ARL15: variants seen among roughly 807,000 people sequenced by gnomAD.
ARL15 encodes the protein ADP-ribosylation factor-like protein 15.
In ARL15, 19 loss-of-function variants were observed where a neutral mutation model predicts 25.2. That is an observed-to-expected ratio of 0.75 (90% CI 0.53 to 1.10). The LOEUF (loss-of-function observed/expected upper bound fraction) is 1.10. Among genes scored for constraint, ARL15 ranks in the 50% least tolerant of loss-of-function variants. ARL15 has a pLI of 0.00. For synonymous variants in ARL15, 94 were observed against 86.8 expected, an observed-to-expected ratio of 1.08 and a Z score of -0.46; for missense variants, 220 against 246.0, an observed-to-expected ratio of 0.89 and a Z score of 0.71.
chr5:54,029,489 T>C (rs1475602723), intron 4 of ARL15, among the ~76,000 whole-genome samples: 4 of 152,052 alleles, frequency 2.6e-5, no homozygotes, highest in Admixed American at 2.6e-4. Flanking sequence ...GGTAGACATA[T>C]TAAGCATATG....
At chr5:54,240,050 A>G (rs1277799334) in intron 1 of ARL15, among the ~76,000 whole-genome samples, 3 of 151,952 alleles carry the variant, frequency 2.0e-5, no homozygotes, top group African/African-American at 7.2e-5. Flanking sequence ...ACACGGTGAA[A>G]CCCCATCTCT....
At chr5:53,979,985 G>A (rs971808520) in intron 4 of ARL15, among the ~76,000 whole-genome samples, 3 of 152,060 alleles carry the variant, frequency 2.0e-5, no homozygotes, top group Non-Finnish European at 4.4e-5. Flanking sequence ...GATTACAGGC[G>A]TGAGCCACTG....
rs1030384415 is a variant in ARL15 at position 54,276,046 on chromosome 5, A to T, written c.48+34386T>A. 3.9e-5 allele frequency among the ~76,000 whole-genome samples: 6 copies of T among 152,142 alleles called. No individual in the cohort carries two copies. The East Asian group carries it at 5.8e-4, about 15-fold the overall frequency. On this transcript the variant is annotated intron_variant, in intron 1 of 4. Coordinates refer to ENST00000504924, the MANE Select transcript of ARL15 (RefSeq NM_019087.3). ...GCTGAGACTACTGGCACACACCATC[A>T]TGCCTGGCCAGCTTGGATTTTTATA...
chr5:54,294,057 C>T (rs928953832), intron 1 of ARL15, among the ~76,000 whole-genome samples: 8 of 152,148 alleles, frequency 5.3e-5, no homozygotes, highest in South Asian at 2.1e-4. Context: ...TCATGTGATC[C>T]GCCTGCCTCG....
At chr5:53,959,945 G>A (rs560503009) in intron 4 of ARL15, among the ~76,000 whole-genome samples, 1 of 151,898 alleles carries the variant, frequency 6.6e-6, no homozygotes, top group Non-Finnish European at 1.5e-5. Context: ...CCTGATCACT[G>A]CTGCATCTGT....
At chr5:54,193,300 G>A (rs917638911) in intron 1 of ARL15, among the ~76,000 whole-genome samples, 16 of 152,202 alleles carry the variant, frequency 1.1e-4, no homozygotes, top group African/African-American at 3.9e-4. Flanking sequence ...ATTGATACAA[G>A]TCTCTTACTT....
chr5:54,049,685 C>T (rs975406431), intron 4 of ARL15, among the ~76,000 whole-genome samples: 3 of 152,022 alleles, frequency 2.0e-5, no homozygotes, highest in Non-Finnish European at 2.9e-5. Flanking sequence ...ACTACAACCT[C>T]TGCCTCCCAG....
intron 1 of ARL15, among the ~76,000 whole-genome samples, chr5:54,212,065 T>C (rs1409966514): frequency 6.6e-6 from 1 of 151,814 alleles, no homozygotes; most frequent in Non-Finnish European, 1.5e-5. Flanking sequence ...GGCCAGAGAG[T>C]AAATATTTAA....
intron 1 of ARL15, among the ~76,000 whole-genome samples, chr5:54,228,636 C>A (rs1244747252): frequency 2.0e-5 from 3 of 152,124 alleles, no homozygotes; most frequent in Non-Finnish European, 4.4e-5. Context: ...TAGTTCTAAC[C>A]TCTTCCACAA....
intron 1 of ARL15, among the ~76,000 whole-genome samples, chr5:54,272,300 A>C (rs1757810010): frequency 2.6e-5 from 4 of 151,802 alleles, no homozygotes; most frequent in African/African-American, 9.7e-5. Flanking sequence ...ATATGAGTAA[A>C]CCACATCCTT....
intron 4 of ARL15, among the ~76,000 whole-genome samples, chr5:54,085,712 T>C (rs1253562441): frequency 6.6e-6 from 1 of 152,206 alleles, no homozygotes; most frequent in Non-Finnish European, 1.5e-5. Flanking sequence ...TACTCTTAGA[T>C]ACAGAATAAA....
At chr5:53,895,844 A>G (rs1744854200) in intron 4 of ARL15, among the ~76,000 whole-genome samples, 1 of 152,164 alleles carries the variant, frequency 6.6e-6, no homozygotes, top group African/African-American at 2.4e-5. Context: ...CTGTTTAACA[A>G]TCAAAACATC....
intron 4 of ARL15, among the ~76,000 whole-genome samples, chr5:53,954,961 T>C (rs1747096587): frequency 6.6e-6 from 1 of 151,976 alleles, no homozygotes; most frequent in African/African-American, 2.4e-5. Flanking sequence ...GCCTAAGAAA[T>C]AGTTCTTTGG....
chr5:54,227,325 C>T (rs1756552135), intron 1 of ARL15, among the ~76,000 whole-genome samples: 1 of 152,208 alleles, frequency 6.6e-6, no homozygotes, highest in Non-Finnish European at 1.5e-5. Context: ...GCACATCCTC[C>T]TGCAGCAAGC....
Position 54,171,835 on chromosome 5 carries a change from G to A in ARL15, c.142C>T (p.Leu48=). 2 of 1,613,526 alleles carry A rather than the reference G, an allele frequency of 1.2e-6. No homozygotes were observed. Among genetic ancestry groups the A allele is most frequent in the East Asian group, 4.5e-5 (2 of 44,838 alleles). ...CTTTCACTGCAGAGTTTGGACAACA[G>A]ACTGGTTTTGCCAGAACCTGTGAGG... ...IGLTGSGKTS[L]LSKLCSESPD... is the part of the protein sequence containing the mutation. The change falls in exon 2 of 5, where the codon CTG becomes TTG. Residue 48 remains leucine (L), a synonymous_variant. Transcript: ENST00000504924.
intron 4 of ARL15, among the ~76,000 whole-genome samples, chr5:53,919,209 G>C (rs750590047): frequency 2.0e-5 from 3 of 152,162 alleles, no homozygotes; most frequent in African/African-American, 7.2e-5. Flanking sequence ...ATACTACATC[G>C]TAAGTCTACG....
chr5:54,090,532 G>A (rs1449127282), intron 4 of ARL15, among the ~76,000 whole-genome samples: 1 of 151,808 alleles, frequency 6.6e-6, no homozygotes, highest in African/African-American at 2.4e-5. Flanking sequence ...TACAGCACAG[G>A]GAGTTTTCTA....
chr5:53,920,375 C>A lies in ARL15; in HGVS notation c.463-33662G>T, dbSNP rs987583755. Among the ~76,000 whole-genome samples the A allele has an allele frequency of 2.6e-5, 4 of 152,160 alleles. No individual in the cohort carries two copies. In the East Asian group the frequency reaches 7.7e-4, roughly 29 times the overall value. On this transcript the variant is annotated intron_variant, in intron 4 of 4. Transcript: ENST00000504924. ...TGCCTTTCATAATATATGTTCTTGT[C>A]ATTTTGTTAAAAAATGGCTCTTCAA...
chr5:54,047,865 T>C (rs566705342), intron 4 of ARL15: 2 of 152,226 alleles, frequency 1.3e-5, no homozygotes, highest in Non-Finnish European at 2.9e-5. Context: ...TATATGAGCA[T>C]TGCGTGTCAT....
Sources: allele counts gnomAD v4.1 joint callset (sites outside exome capture counted in the v4.1 genomes callset), GRCh38; gene constraint gnomAD v4.1.1; transcripts MANE v1.5; gene names NCBI Gene and HGNC (gene_info 2026-07-23, HGNC 2026-07-21).